The following DEPTOR variants were observed in gnomAD, a reference collection of about 807,000 sequenced individuals.
The protein encoded by DEPTOR is DEP domain-containing mTOR-interacting protein.
DEPTOR carries 41 observed loss-of-function variants against 41.6 expected under a neutral mutation model. The observed-to-expected ratio is 0.98, with a 90% CI of 0.77 to 1.28. The LOEUF is 1.28. DEPTOR is among the 50% of genes most tolerant of loss of function. The pLI is 0.00. For synonymous variants in DEPTOR, 195 were observed against 192.3 expected, an observed-to-expected ratio of 1.01 and a Z score of -0.12; for missense variants, 514 against 527.9, an observed-to-expected ratio of 0.97 and a Z score of 0.26.
chr8:119,988,599 C>CA (rs1394372545), intron 4 of DEPTOR, among the ~76,000 whole-genome samples: 1 of 152,196 alleles, frequency 6.6e-6, no homozygotes, highest in East Asian at 1.9e-4. Context: ...TCTCCTGCCT[C>CA]AGCCTCCCGA....
chr8:120,009,521 G>T (rs1812499843), intron 8 of DEPTOR, among the ~76,000 whole-genome samples: 1 of 152,116 alleles, frequency 6.6e-6, no homozygotes, highest in African/African-American at 2.4e-5. Flanking sequence ...GCTGAGGCAG[G>T]AGAATCGCTT....
rs1586625069 is a variant in DEPTOR, at chr8:119,941,347, T to C, written c.425+11409T>C. ...GAGATCGCACCATTGCACTCCAGCC[T>C]GGGCAACAAGAGCAAATCTCCATCT... On this transcript the variant is annotated intron_variant, in intron 3 of 8. Coordinates refer to ENST00000286234, the MANE Select transcript of DEPTOR (RefSeq NM_022783.4). Among the ~76,000 whole-genome samples, 9 of 112,350 alleles carry C rather than the reference T, an allele frequency of 8.0e-5. No homozygotes were observed. The South Asian group carries it at 2.8e-3, about 35-fold the overall frequency. 73.7% of individuals were successfully genotyped at this position (112,350 alleles called of 152,430 possible).
At chr8:119,952,346 T>C (rs1453196970) in intron 3 of DEPTOR, among the ~76,000 whole-genome samples, 1 of 152,208 alleles carries the variant, frequency 6.6e-6, no homozygotes, top group East Asian at 1.9e-4. Context: ...TCCGTCATGC[T>C]GGTGCAGCCC....
At chr8:119,882,490 G>T (rs1827310937) in intron 1 of DEPTOR, among the ~76,000 whole-genome samples, 1 of 151,938 alleles carries the variant, frequency 6.6e-6, no homozygotes, top group African/African-American at 2.4e-5. Flanking sequence ...TGGGTCCTGG[G>T]CTCTTGTGAT....
chr8:120,004,110 C>T (rs929921323), intron 6 of DEPTOR, among the ~76,000 whole-genome samples: 1 of 152,166 alleles, frequency 6.6e-6, no homozygotes, highest in African/African-American at 2.4e-5. Context: ...TCAATGAAAA[C>T]ACCACCTCTT....
intron 5 of DEPTOR, among the ~76,000 whole-genome samples, 165 bp from the exon 6 acceptor site, chr8:120,002,812 A>ATATATATATATATATATATATAT (rs71306853): frequency 2.3e-4 from 30 of 130,070 alleles, no homozygotes; most frequent in East Asian, 5.1e-4. Context: ...ATATATATAT[A>ATATATATATATATATATATATAT]ATATAAAGTA....
At chr8:119,938,269 T>C (rs1469623396) in intron 3 of DEPTOR, among the ~76,000 whole-genome samples, 1 of 152,218 alleles carries the variant, frequency 6.6e-6, no homozygotes, top group Non-Finnish European at 1.5e-5. Context: ...CTTTTATAAG[T>C]AAATGTCATA....
At chr8:119,905,225 T>C (rs1827647237) in intron 1 of DEPTOR, among the ~76,000 whole-genome samples, 1 of 152,064 alleles carries the variant, frequency 6.6e-6, no homozygotes, top group Non-Finnish European at 1.5e-5. Context: ...CAGCATGAGA[T>C]TCCAGACAGC....
chr8:119,933,949 G>A (rs1444273752), intron 3 of DEPTOR, among the ~76,000 whole-genome samples: 2 of 151,838 alleles, frequency 1.3e-5, no homozygotes, highest in African/African-American at 2.4e-5. Context: ...GCATGATCTC[G>A]GCTCACTACA....
rs1327683080 is a variant in DEPTOR, at chr8:119,889,654, GGGAGGGGAGGGGAGGGGAGA to G, written c.122+15697_122+15716del. ...GGGAAGGGGAGGGGAGGGGAGGATG[GGGAGGGGAGGGGAGGGGAGA>G]GGAGGGGAGGACAGGGGAGAGGAGT... On this transcript the variant is annotated intron_variant, in intron 1 of 8. Transcript: ENST00000286234. Among the ~76,000 whole-genome samples the G allele has an allele frequency of 1.6e-3, 179 of 111,446 alleles. 2 individuals are homozygous for G. The highest frequency in any genetic ancestry group is 2.4e-3 in the Admixed American group (26 of 11,004). The allele number at this position is 111,446 out of a possible 152,430, so 73.1% of individuals were successfully genotyped here.
chr8:119,900,356 A>AATTGTCTAATGTCTCT (rs71304919), intron 1 of DEPTOR, among the ~76,000 whole-genome samples: 154 of 104,680 alleles, frequency 1.5e-3, no homozygotes, highest in Middle Eastern at 8.5e-3. Context: ...AAAAAAAACT[A>AATTGTCTAATGTCTCT]AATGTCTATT....
Position 119,991,316 on chromosome 8 carries a change from CT to C in DEPTOR, c.605-10202del, listed in dbSNP as rs539172151. 1.3e-3 allele frequency among the ~76,000 whole-genome samples: 190 copies of C among 151,776 alleles called. 2 individuals carry two copies. Among genetic ancestry groups the C allele is most frequent in the African/African-American group, 4.2e-3 (173 of 41,384 alleles). On this transcript the variant is annotated intron_variant, in intron 4 of 8. Coordinates refer to ENST00000286234, the MANE Select transcript of DEPTOR (RefSeq NM_022783.4). ...CCTCATGTAGGCCCCAGGGCCTGGT[CT>C]TTTTTTGTTGTTTTTTGAAACAGTG...
intron 4 of DEPTOR, 148 bp downstream of exon 4, chr8:119,965,558 C>A: frequency 1.0e-6 from 1 of 979,178 alleles, no homozygotes; most frequent in East Asian, 2.6e-5. Context: ...AGTTGGGGGT[C>A]AAATTCAGGT....
At chr8:119,886,425 A>G (rs1827364191) in intron 1 of DEPTOR, among the ~76,000 whole-genome samples, 1 of 152,042 alleles carries the variant, frequency 6.6e-6, no homozygotes, top group Non-Finnish European at 1.5e-5. Context: ...GACACAAGCC[A>G]AGGGGGCATC....
chr8:119,921,748 G>GTTTTT lies in DEPTOR; in HGVS notation c.123-6645_123-6641dup, dbSNP rs1282897659. ...GGTAACTGAAAGGTTCTATTCTGTA[G>GTTTTT]TTTTTTTTTTTGTTTGTTTGTTTGT... On this transcript the variant is annotated intron_variant, in intron 1 of 8. Transcript: ENST00000286234. Among the ~76,000 whole-genome samples the GTTTTT allele has an allele frequency of 1.4e-3, 185 of 131,118 alleles. 15 individuals carry two copies. Among genetic ancestry groups the GTTTTT allele is most frequent in the South Asian group, 4.8e-3 (18 of 3,736 alleles). 86.0% of individuals were successfully genotyped at this position (131,118 alleles called of 152,430 possible).
intron 3 of DEPTOR, among the ~76,000 whole-genome samples, chr8:119,947,434 C>A (rs557317877): frequency 1.3e-5 from 2 of 152,340 alleles, no homozygotes; most frequent in South Asian, 4.1e-4. Context: ...AGTCACCAAG[C>A]ATCTGCCTGC....
intron 1 of DEPTOR, among the ~76,000 whole-genome samples, chr8:119,919,823 A>G (rs919870367): frequency 2.6e-5 from 4 of 152,206 alleles, no homozygotes; most frequent in Non-Finnish European, 4.4e-5. Flanking sequence ...TGTGGTTTCA[A>G]TCTCCCCTTT....
intron 1 of DEPTOR, among the ~76,000 whole-genome samples, chr8:119,898,552 C>T (rs1162019802): frequency 2.0e-5 from 3 of 151,896 alleles, no homozygotes; most frequent in Non-Finnish European, 1.5e-5. Flanking sequence ...GATGAGACCC[C>T]GCTTCTCCCA....
At chr8:120,015,823 G>A (rs1042583178) in intron 8 of DEPTOR, among the ~76,000 whole-genome samples, 1 of 152,124 alleles carries the variant, frequency 6.6e-6, no homozygotes, top group East Asian at 1.9e-4. Flanking sequence ...TTGGTTTGAC[G>A]AGGCATGTCA....
Sources: gnomAD v4.1 joint callset for allele counts (sites outside exome capture counted in the v4.1 genomes callset) on GRCh38, gnomAD v4.1.1 for gene constraint, MANE v1.5 for transcripts, NCBI Gene and HGNC (gene_info 2026-07-23, HGNC 2026-07-21) for gene names.